The following FRMD4A variants were observed in gnomAD, a reference collection of about 807,000 sequenced individuals.
The protein encoded by FRMD4A is FERM domain containing 4A, also known as FERM domain-containing protein 4A.
Under a neutral mutation model 129.1 loss-of-function variants are expected in FRMD4A, and 29 were observed. The observed-to-expected ratio is 0.22, with a 90% CI of 0.17 to 0.31. FRMD4A has a LOEUF of 0.31. Among genes scored for constraint, FRMD4A ranks in the 10% least tolerant of loss-of-function variants. The pLI, the probability that FRMD4A is intolerant of heterozygous loss-of-function variation, is 1.00. For synonymous variants in FRMD4A, 634 were observed against 571.6 expected (o/e 1.11, Z -1.56); for missense variants, 1,272 against 1,375.8 (o/e 0.92, Z 1.19).
At chr10:14,170,765 C>T (rs1841432726) in intron 2 of FRMD4A, among the ~76,000 whole-genome samples, 2 of 152,076 alleles carry the variant, frequency 1.3e-5, no homozygotes, top group African/African-American at 4.8e-5. Context: ...AAAAGAACTC[C>T]AATCAAGCCA....
intron 2 of FRMD4A, among the ~76,000 whole-genome samples, chr10:14,162,619 T>G (rs1166814029): frequency 1.3e-5 from 2 of 151,040 alleles, no homozygotes; most frequent in Non-Finnish European, 2.9e-5. Flanking sequence ...ACACGAGTCT[T>G]GAGTTTCTCT....
chr10:14,164,345 C>T (rs1339939885), intron 2 of FRMD4A, among the ~76,000 whole-genome samples: 1 of 152,188 alleles, frequency 6.6e-6, no homozygotes, highest in Non-Finnish European at 1.5e-5. Flanking sequence ...TGCCTGAGCC[C>T]TGTGCCGGGT....
intron 2 of FRMD4A, among the ~76,000 whole-genome samples, chr10:14,163,720 C>T (rs1841024225): frequency 6.6e-6 from 1 of 152,146 alleles, no homozygotes; most frequent in Non-Finnish European, 1.5e-5. Context: ...CTGCCTGAGA[C>T]GTAGCAGACA....
intron 2 of FRMD4A, among the ~76,000 whole-genome samples, chr10:13,952,985 C>T (rs1257490425): frequency 1.3e-5 from 2 of 152,194 alleles, no homozygotes; most frequent in Non-Finnish European, 2.9e-5. Flanking sequence ...GTGTGAGCCA[C>T]CCTGCCCGGC....
At chr10:13,993,314 A>G (rs2131432684) in intron 2 of FRMD4A, among the ~76,000 whole-genome samples, 1 of 152,258 alleles carries the variant, frequency 6.6e-6, no homozygotes, top group East Asian at 1.9e-4. Context: ...TCAGAAAAGG[A>G]GCTGTGAATC....
chr10:14,314,010 A>G (rs1846648005), intron 2 of FRMD4A, among the ~76,000 whole-genome samples: 2 of 152,226 alleles, frequency 1.3e-5, no homozygotes, highest in African/African-American at 4.8e-5. Flanking sequence ...GTTAAGCAGA[A>G]AGGGATTTAC....
chr10:14,109,918 C>T (rs1837796572), intron 2 of FRMD4A, among the ~76,000 whole-genome samples: 1 of 150,828 alleles, frequency 6.6e-6, no homozygotes, highest in Admixed American at 6.6e-5. Context: ...TTGCAGTCAG[C>T]CAAGATCACG....
chr10:14,049,545 ATT>A (rs971094299), intron 2 of FRMD4A, among the ~76,000 whole-genome samples: 1 of 152,074 alleles, frequency 6.6e-6, no homozygotes, highest in Non-Finnish European at 1.5e-5. Context: ...TAAAGTAAAT[ATT>A]TTTTTCCTCT....
intron 2 of FRMD4A, among the ~76,000 whole-genome samples, chr10:14,082,508 C>T (rs1345964644): frequency 6.6e-6 from 1 of 152,070 alleles, no homozygotes; most frequent in African/African-American, 2.4e-5. Flanking sequence ...GTTCTTTCCT[C>T]CATGCTGTGG....
At chr10:14,174,242 C>T (rs1368834888) in intron 2 of FRMD4A, among the ~76,000 whole-genome samples, 1 of 152,102 alleles carries the variant, frequency 6.6e-6, no homozygotes, top group Non-Finnish European at 1.5e-5. Context: ...AAGCCTGCTC[C>T]TCTCCTCGCC....
intron 2 of FRMD4A, among the ~76,000 whole-genome samples, chr10:14,136,167 GGTAA>G (rs1839525690): frequency 6.6e-6 from 1 of 152,084 alleles, no homozygotes; most frequent in Non-Finnish European, 1.5e-5. Context: ...CCACCACTGG[GGTAA>G]GTGAGAGGAA....
At chr10:13,763,367 C>T (rs17153958) in intron 6 of FRMD4A, among the ~76,000 whole-genome samples, 2,446 of 152,260 alleles carry the variant, frequency 0.016, 83 homozygotes, top group South Asian at 0.12. Flanking sequence ...AGGAATGTTA[C>T]AGTGGGATTG....
At chr10:13,832,376 A>C (rs10906505) in intron 3 of FRMD4A, among the ~76,000 whole-genome samples, 30,332 of 152,100 alleles carry the variant, frequency 0.2, 3,178 homozygotes, top group Non-Finnish European at 0.24. Context: ...GAGAGGTTTC[A>C]GAACAGGAAG....
rs1019022229 is a variant in FRMD4A, at chr10:14,001,397, C to T, written c.46-142485G>A. 2.0e-5 allele frequency among the ~76,000 whole-genome samples: 3 copies of T among 152,296 alleles called. No homozygotes were observed. In the East Asian group the frequency reaches 5.8e-4, roughly 29 times the overall value. On this transcript the variant is annotated intron_variant, in intron 2 of 24. Transcript: ENST00000357447. ...CTCAGTTTCAGGCCCAGCCTGAGAGCTGCCATTTTGCATAGGATGCTGAAA... is the reference window on the plus strand; with the variant it reads ...CTCAGTTTCAGGCCCAGCCTGAGAGTTGCCATTTTGCATAGGATGCTGAAA...
At chr10:13,771,723 A>G (rs2092458657) in intron 6 of FRMD4A, among the ~76,000 whole-genome samples, 1 of 152,094 alleles carries the variant, frequency 6.6e-6, no homozygotes, top group African/African-American at 2.4e-5. Flanking sequence ...TTTGGTTATC[A>G]CTGCTGGGGA....
chr10:14,107,020 T>C (rs1289088987), intron 2 of FRMD4A, among the ~76,000 whole-genome samples: 2 of 152,180 alleles, frequency 1.3e-5, no homozygotes, highest in African/African-American at 2.4e-5. Context: ...TATGCAGCCA[T>C]GAAAAAGATT....
intron 2 of FRMD4A, among the ~76,000 whole-genome samples, chr10:14,251,018 G>C (rs1312565398): frequency 6.6e-6 from 1 of 152,140 alleles, no homozygotes; most frequent in Non-Finnish European, 1.5e-5. Flanking sequence ...TCTTTCAAGA[G>C]ATCACAGTGC....
intron 2 of FRMD4A, among the ~76,000 whole-genome samples, chr10:14,000,799 G>C (rs1013781822): frequency 1.3e-5 from 2 of 152,042 alleles, no homozygotes; most frequent in Non-Finnish European, 2.9e-5. Flanking sequence ...AAGCATACAG[G>C]AGAAGCTAGA....
chr10:13,905,806 T>C (rs964665463), intron 2 of FRMD4A, among the ~76,000 whole-genome samples: 1 of 152,228 alleles, frequency 6.6e-6, no homozygotes, highest in African/African-American at 2.4e-5. Context: ...CATTCCGTTT[T>C]TTCCGTCATG....
Sources: gnomAD v4.1 joint callset for allele counts (sites outside exome capture counted in the v4.1 genomes callset) on GRCh38, gnomAD v4.1.1 for gene constraint, MANE v1.5 for transcripts, NCBI Gene and HGNC (gene_info 2026-07-23, HGNC 2026-07-21) for gene names.